CLDN10: variants seen among roughly 807,000 people sequenced by gnomAD.
The protein encoded by CLDN10 is claudin 10, also known as claudin-10.
Under a neutral mutation model 22.9 loss-of-function variants are expected in CLDN10, and 15 were observed. The ratio of observed to expected loss-of-function variants is 0.65; its 90% CI spans 0.44 to 1.01. The LOEUF is 1.01. Ranked by LOEUF, CLDN10 falls within the 50% of genes least tolerant of loss-of-function variation. The probability of loss-of-function intolerance (pLI) is 0.00; values close to 1 mark genes in which losing one functional copy is unlikely to be tolerated. For missense variants in CLDN10, 247 were observed against 287.8 expected (o/e 0.86, Z 1.03); for synonymous variants, 114 against 111.4 (o/e 1.02, Z -0.15).
In CLDN10 at chr13:95,533,055, G is replaced by A. The variant is rs541926665; in HGVS notation, c.215-27077G>A. ...TTCATTTACACAGATGTATGCATTT[G>A]TCAAAAGTTAGTGAATGTACACTTA... On this transcript the variant is annotated intron_variant, in intron 1 of 4. Transcript: ENST00000376873. 6.6e-5 allele frequency among the ~76,000 whole-genome samples: 10 copies of A among 151,984 alleles called. No homozygotes were observed. In the South Asian group the frequency reaches 2.1e-3, roughly 32 times the overall value.
intron 1 of CLDN10, among the ~76,000 whole-genome samples, chr13:95,526,251 A>G (rs2043279959): frequency 6.6e-6 from 1 of 151,884 alleles, no homozygotes; most frequent in African/African-American, 2.4e-5. Context: ...CGTTTTCTCC[A>G]TGTTAGTTGT....
At chr13:95,434,484 C>CAT (rs1419629891) in intron 1 of CLDN10, among the ~76,000 whole-genome samples, 1 of 145,794 alleles carries the variant, frequency 6.9e-6, no homozygotes, top group African/African-American at 2.7e-5. Flanking sequence ...CACAAACACA[C>CAT]ACACACACAC....
At chr13:95,540,812 C>T (rs1390755511) in intron 1 of CLDN10, among the ~76,000 whole-genome samples, 1 of 152,220 alleles carries the variant, frequency 6.6e-6, no homozygotes, top group African/African-American at 2.4e-5. Flanking sequence ...CTTTTTTCCA[C>T]TGACACTGAC....
At chr13:95,541,240 G>A (rs2043457221) in intron 1 of CLDN10, among the ~76,000 whole-genome samples, 2 of 152,220 alleles carry the variant, frequency 1.3e-5, no homozygotes, top group African/African-American at 4.8e-5. Flanking sequence ...TTGGAGGCAG[G>A]GAGGAATTCA....
chr13:95,556,787 C>G (rs538583994), intron 1 of CLDN10, among the ~76,000 whole-genome samples: 2 of 152,194 alleles, frequency 1.3e-5, no homozygotes, highest in African/African-American at 4.8e-5. Context: ...TTTTTTCCCC[C>G]CTAAATCCAT....
chr13:95,439,404 G>A (rs541047038), intron 1 of CLDN10, among the ~76,000 whole-genome samples: 96 of 151,128 alleles, frequency 6.4e-4, no homozygotes, highest in African/African-American at 2.0e-3. Flanking sequence ...GAGTGCAGTA[G>A]TGCAATCTCA....
At chr13:95,518,557 A>T (rs995234209) in intron 1 of CLDN10, among the ~76,000 whole-genome samples, 2 of 152,130 alleles carry the variant, frequency 1.3e-5, no homozygotes, top group Admixed American at 6.5e-5. Flanking sequence ...GGAGTTCAAG[A>T]CGAGCCTGGC....
At chr13:95,483,927 G>T (rs918082944) in intron 1 of CLDN10, among the ~76,000 whole-genome samples, 2 of 152,112 alleles carry the variant, frequency 1.3e-5, no homozygotes, top group Non-Finnish European at 1.5e-5. Flanking sequence ...GAGCCCTCGG[G>T]ATGGGATTAG....
intron 1 of CLDN10, among the ~76,000 whole-genome samples, chr13:95,474,040 T>C (rs1407434234): frequency 6.6e-6 from 1 of 152,172 alleles, no homozygotes; most frequent in Non-Finnish European, 1.5e-5. Context: ...TTCAAATGCA[T>C]TATATTTATT....
intron 1 of CLDN10, among the ~76,000 whole-genome samples, chr13:95,482,214 A>G (rs1329756431): frequency 6.6e-6 from 1 of 152,186 alleles, no homozygotes. Context: ...CCTACTATGT[A>G]CCCACAACAA....
At chr13:95,544,491 A>C (rs2043488867) in intron 1 of CLDN10, among the ~76,000 whole-genome samples, 1 of 152,208 alleles carries the variant, frequency 6.6e-6, no homozygotes, top group Non-Finnish European at 1.5e-5. Flanking sequence ...ACATGACATC[A>C]ACTTTGTTCT....
At chr13:95,473,661 G>C (rs959148371) in intron 1 of CLDN10, among the ~76,000 whole-genome samples, 3 of 152,242 alleles carry the variant, frequency 2.0e-5, no homozygotes, top group African/African-American at 7.2e-5. Flanking sequence ...GGAACCGAGG[G>C]CTGAGGACCG....
intron 1 of CLDN10, among the ~76,000 whole-genome samples, chr13:95,528,307 G>T (rs2043306598): frequency 6.6e-6 from 1 of 151,962 alleles, no homozygotes; most frequent in Admixed American, 6.6e-5. Context: ...CTTTCACTTG[G>T]TTCTCATTCT....
At chr13:95,567,032 T>G (rs929286865) in intron 3 of CLDN10, among the ~76,000 whole-genome samples, 8 of 152,222 alleles carry the variant, frequency 5.3e-5, no homozygotes, top group Non-Finnish European at 1.0e-4. Context: ...AGCCTTGTAG[T>G]ATAGTTTGAA....
At chr13:95,542,208 T>C (rs985722326) in intron 1 of CLDN10, among the ~76,000 whole-genome samples, 2 of 152,154 alleles carry the variant, frequency 1.3e-5, no homozygotes, top group Non-Finnish European at 2.9e-5. Flanking sequence ...TCGTGAGAAA[T>C]CTACCCCCAT....
At chr13:95,447,504 G>A (rs1415429524) in intron 1 of CLDN10, among the ~76,000 whole-genome samples, 1 of 152,126 alleles carries the variant, frequency 6.6e-6, no homozygotes, top group Admixed American at 6.5e-5. Flanking sequence ...GTCTTACGAC[G>A]GTCCCATACC....
intron 1 of CLDN10, among the ~76,000 whole-genome samples, chr13:95,509,750 G>A (rs76494798): frequency 0.02 from 3,085 of 152,046 alleles, 37 homozygotes; most frequent in Non-Finnish European, 0.032. Flanking sequence ...TGACTCACTC[G>A]CTCTTCTTGA....
At chr13:95,556,208 G>A (rs1566335319) in intron 1 of CLDN10, among the ~76,000 whole-genome samples, 1 of 151,914 alleles carries the variant, frequency 6.6e-6, no homozygotes, top group East Asian at 1.9e-4. Flanking sequence ...GCCACACCTG[G>A]CTGATTTTTG....
chr13:95,493,829 G>A lies in CLDN10; in HGVS notation c.214+59782G>A, dbSNP rs540299661. The stretch of plus-strand genomic sequence containing the variant: ...CCCGCCTCAGCTTCCCAAAGTGCTG[G>A]GATTACAGGTGTGAGGCACCATGCC... On this transcript the variant is annotated intron_variant, in intron 1 of 4. Coordinates refer to the CLDN10 transcript ENST00000376873. 2.5e-3 allele frequency among the ~76,000 whole-genome samples: 380 copies of A among 152,148 alleles called. 5 individuals are homozygous for A. Among genetic ancestry groups the A allele is most frequent in the Non-Finnish European group, 9.3e-4 (63 of 68,000 alleles).
Sources: gnomAD v4.1 joint callset for allele counts (sites outside exome capture counted in the v4.1 genomes callset) on GRCh38, gnomAD v4.1.1 for gene constraint, MANE v1.5 for transcripts, NCBI Gene and HGNC (gene_info 2026-07-23, HGNC 2026-07-21) for gene names.